ATAD2B: variants seen among roughly 807,000 people sequenced by gnomAD.
ATAD2B encodes the protein ATPase family AAA domain-containing protein 2B.
Under a neutral mutation model 167.6 loss-of-function variants are expected in ATAD2B, and 40 were observed. The observed-to-expected ratio is 0.24, with a 90% confidence interval of 0.19 to 0.31. The LOEUF is 0.31. Among genes scored for constraint, ATAD2B ranks in the 10% least tolerant of loss-of-function variants. ATAD2B has a pLI of 1.00. For synonymous variants in ATAD2B, 579 were observed against 596.5 expected (o/e 0.97, Z 0.43); for missense variants, 1,242 against 1,757.2 (o/e 0.71, Z 5.24).
intron 8 of ATAD2B, among the ~76,000 whole-genome samples, chr2:23,874,638 G>A (rs567406877): frequency 1.3e-5 from 2 of 152,028 alleles, no homozygotes; most frequent in South Asian, 4.2e-4. Context: ...AGGAGGCTGA[G>A]GCTGCAATGA....
At chr2:23,911,642 A>C (rs558599508) in intron 1 of ATAD2B, among the ~76,000 whole-genome samples, 1 of 152,174 alleles carries the variant, frequency 6.6e-6, no homozygotes, top group Non-Finnish European at 1.5e-5. Context: ...GCTAATAAAT[A>C]CAAGTCTTAA....
At chr2:23,874,659 T>C (rs758845877) in intron 8 of ATAD2B, among the ~76,000 whole-genome samples, 2 of 150,478 alleles carry the variant, frequency 1.3e-5, no homozygotes, top group Non-Finnish European at 3.0e-5. Context: ...GCCATGATCA[T>C]AGCACGCCTA....
rs1675322243 is a variant in ATAD2B, at chr2:23,751,256, C to G, written c.*790G>C. The stretch of plus-strand genomic sequence containing the variant: ...TCATGTTTCTTAAACCAAAACAGAC[C>G]TTACAAGAAAACTTACCATTTTAGT... On this transcript the variant is annotated 3_prime_UTR_variant, in exon 28 of 28. Coordinates refer to ENST00000238789, the MANE Select transcript of ATAD2B (RefSeq NM_017552.4). The G allele has an allele frequency of 6.6e-6, 1 of 151,926 alleles. No individual in the cohort carries two copies. Among genetic ancestry groups the G allele is most frequent in the Non-Finnish European group, 1.5e-5 (1 of 67,982 alleles). 9.4% of individuals were successfully genotyped at this position (151,926 alleles called of 1,614,324 possible). A position where few individuals can be genotyped will look rare whatever the true frequency, so the allele number is the denominator to read the frequency against.
In ATAD2B at chr2:23,794,762, T is replaced by C. The variant is rs186885297; in HGVS notation, c.2640+3376A>G. Among the ~76,000 whole-genome samples the C allele has an allele frequency of 6.1e-3, 928 of 152,178 alleles. 5 individuals are homozygous for C. The highest frequency in any genetic ancestry group is 9.5e-3 in the Non-Finnish European group (646 of 68,000). Reference sequence around the variant, plus strand: ...AATATACTATTACCAAAATAGTATATTTAATAGTACAGTATATTTCATGTA... The same window carrying C: ...AATATACTATTACCAAAATAGTATACTTAATAGTACAGTATATTTCATGTA... On this transcript the variant is annotated intron_variant, in intron 19 of 27. Coordinates refer to ENST00000238789, the MANE Select transcript of ATAD2B (RefSeq NM_017552.4).
intron 13 of ATAD2B, among the ~76,000 whole-genome samples, chr2:23,844,178 G>A (rs1379743192): frequency 6.6e-6 from 1 of 152,162 alleles, no homozygotes; most frequent in Non-Finnish European, 1.5e-5. Context: ...GACCTCAGGT[G>A]ATACACACGC....
At chr2:23,860,833 T>C (rs1193301422) in intron 12 of ATAD2B, among the ~76,000 whole-genome samples, 1 of 152,122 alleles carries the variant, frequency 6.6e-6, no homozygotes, top group Non-Finnish European at 1.5e-5. Flanking sequence ...TAGCTGGACA[T>C]GGTGGCAGGT....
the ATAD2B span, among the ~76,000 whole-genome samples, chr2:23,710,751 G>A: frequency 6.6e-6 from 1 of 152,170 alleles, no homozygotes. Flanking sequence ...CTACATTGCC[G>A]TTACGTTGTA....
chr2:23,825,913 T>G (rs907513225), intron 15 of ATAD2B, among the ~76,000 whole-genome samples: 17 of 152,206 alleles, frequency 1.1e-4, no homozygotes, highest in African/African-American at 3.9e-4. Flanking sequence ...ATTTATTGAT[T>G]TATTCCAGAC....
the ATAD2B span, among the ~76,000 whole-genome samples, chr2:23,734,562 G>A: frequency 2.0e-5 from 3 of 152,184 alleles, no homozygotes; most frequent in Non-Finnish European, 2.9e-5. Context: ...TACAAACATG[G>A]CAAAGATGCA....
the ATAD2B span, among the ~76,000 whole-genome samples, chr2:23,710,277 C>G: frequency 6.6e-6 from 1 of 152,126 alleles, no homozygotes; most frequent in Non-Finnish European, 1.5e-5. Flanking sequence ...CTTAAACAGA[C>G]CTAACAAAGA....
chr2:23,908,090 C>T (rs1016123088), intron 1 of ATAD2B, among the ~76,000 whole-genome samples: 5 of 152,144 alleles, frequency 3.3e-5, no homozygotes, highest in African/African-American at 9.7e-5. Flanking sequence ...GCAAGGACTT[C>T]GTGTCTAAAA....
the ATAD2B span, among the ~76,000 whole-genome samples, chr2:23,736,931 A>G: frequency 3.3e-5 from 5 of 152,200 alleles, no homozygotes; most frequent in Admixed American, 2.0e-4. Flanking sequence ...ATGCCCAAGG[A>G]GTCTCCCTCA....
chr2:23,821,208 C>A lies in ATAD2B; in HGVS notation c.2132-1326G>T, dbSNP rs867843239. On this transcript the variant is annotated intron_variant, in intron 16 of 27. Transcript: ENST00000238789. ...AACTAAAGCATACTTTATATTTACA[C>A]ACAAAAAAAGCTATAAGAAAACATA... 4.6e-5 allele frequency among the ~76,000 whole-genome samples: 7 copies of A among 151,970 alleles called. No homozygotes were observed. The South Asian group carries it at 1.0e-3, about 22-fold the overall frequency.
At chr2:23,918,120 C>T (rs553314035) in intron 1 of ATAD2B, among the ~76,000 whole-genome samples, 1 of 146,934 alleles carries the variant, frequency 6.8e-6, no homozygotes, top group Admixed American at 7.2e-5. Context: ...TAATCCCACA[C>T]TTTAGGAAGC....
At chr2:23,894,986 G>T (rs1049083362) in intron 2 of ATAD2B, among the ~76,000 whole-genome samples, 5 of 152,006 alleles carry the variant, frequency 3.3e-5, no homozygotes, top group African/African-American at 1.2e-4. Flanking sequence ...TTTTTCACTA[G>T]AGAATAAAAG....
chr2:23,778,247 C>A (rs562157308), intron 22 of ATAD2B, among the ~76,000 whole-genome samples: 1 of 152,292 alleles, frequency 6.6e-6, no homozygotes, highest in South Asian at 2.1e-4. Flanking sequence ...GAGCCATATT[C>A]TTTCATTGTG....
chr2:23,698,528 G>C, the ATAD2B span, among the ~76,000 whole-genome samples: 1 of 151,680 alleles, frequency 6.6e-6, no homozygotes, highest in Non-Finnish European at 1.5e-5. Context: ...GGTACAAATG[G>C]CTATTATATT....
chr2:23,894,838 T>C (rs968320282), intron 2 of ATAD2B, among the ~76,000 whole-genome samples: 5 of 152,220 alleles, frequency 3.3e-5, no homozygotes, highest in African/African-American at 1.2e-4. Flanking sequence ...ATTTTTCTAC[T>C]TAGCCCCATA....
At chr2:23,693,329 G>A in the ATAD2B span, 1 of 1,551,290 alleles carries the variant, frequency 6.4e-7, no homozygotes, top group Non-Finnish European at 8.7e-7. Flanking sequence ...GCCATGCAGT[G>A]CAGCGAGCTC....
Sources: gnomAD v4.1 joint callset for allele counts (sites outside exome capture counted in the v4.1 genomes callset) on GRCh38, gnomAD v4.1.1 for gene constraint, MANE v1.5 for transcripts, NCBI Gene and HGNC (gene_info 2026-07-23, HGNC 2026-07-21) for gene names.